SLC16A1: variants seen among roughly 807,000 people sequenced by gnomAD.
The protein encoded by SLC16A1 is solute carrier family 16 member 1, also known as monocarboxylate transporter 1.
Under a neutral mutation model 32.2 loss-of-function variants are expected in SLC16A1, and 11 were observed. The ratio of observed to expected loss-of-function variants is 0.34; its 90% CI spans 0.21 to 0.56. The LOEUF is 0.56. Ranked by LOEUF, SLC16A1 falls within the 20% of genes least tolerant of loss-of-function variation. The pLI is 0.87. For synonymous variants in SLC16A1, 231 were observed against 226.8 expected, an observed-to-expected ratio of 1.02 and a Z score of -0.17; for missense variants, 435 against 615.0, an observed-to-expected ratio of 0.71 and a Z score of 3.10.
At chr1:112,937,413 C>T (rs2101641465) in intron 1 of SLC16A1, among the ~76,000 whole-genome samples, 1 of 152,050 alleles carries the variant, frequency 6.6e-6, no homozygotes, top group South Asian at 2.1e-4. Flanking sequence ...GAAATAAGAG[C>T]ATGCAAAATC....
Position 112,923,819 on chromosome 1 carries a change from C to T in SLC16A1, c.218-1686G>A, listed in dbSNP as rs1268689562. On this transcript the variant is annotated intron_variant, in intron 2 of 4. Coordinates refer to ENST00000369626, the MANE Select transcript of SLC16A1 (RefSeq NM_003051.4). ...AAGTGGCCAAGATCTGTAACCTCTGCAAGAGCAATGGCTGGACCCTGCCCA... is the reference window on the plus strand; with the variant it reads ...AAGTGGCCAAGATCTGTAACCTCTGTAAGAGCAATGGCTGGACCCTGCCCA... The T allele has an allele frequency of 1.0e-5, 15 of 1,497,366 alleles. No individual in the cohort carries two copies. In the East Asian group the frequency reaches 3.2e-4, roughly 32 times the overall value. 92.8% of individuals were successfully genotyped at this position (1,497,366 alleles called of 1,614,324 possible). A position where few individuals can be genotyped will look rare whatever the true frequency, so the allele number is the denominator to read the frequency against.
At chr1:112,940,213 T>C (rs1451841370) in intron 1 of SLC16A1, among the ~76,000 whole-genome samples, 1 of 151,864 alleles carries the variant, frequency 6.6e-6, no homozygotes, top group Non-Finnish European at 1.5e-5. Flanking sequence ...AATTTTTGTA[T>C]GTTTTGTAGA....
At chr1:112,919,154 C>T (rs749449630) in intron 3 of SLC16A1, among the ~76,000 whole-genome samples, 9 of 151,988 alleles carry the variant, frequency 5.9e-5, no homozygotes, top group Non-Finnish European at 1.2e-4. Flanking sequence ...GCTCAGCCTC[C>T]CGAGTAGCTG....
At chr1:112,932,793 CAAAAA>C (rs34232032) in intron 1 of SLC16A1, among the ~76,000 whole-genome samples, 1 of 57,112 alleles carries the variant, frequency 1.8e-5, no homozygotes, top group Non-Finnish European at 3.2e-5. Flanking sequence ...GACTCCGTCG[CAAAAA>C]AAAAAAAAAA....
At position 112,929,170 on chromosome 1, in the gene SLC16A1, T is replaced by C; in HGVS notation, c.139A>G (p.Ile47Val). ...PKSITVFFKE[I>V]EGIFHATTSE... ...GTGGTGGCATGGAATATACCTTCAATCTCTTTGAAGAAGACAGTAATTGAT... is the reference window on the plus strand; with the variant it reads ...GTGGTGGCATGGAATATACCTTCAACCTCTTTGAAGAAGACAGTAATTGAT... Residue 47 changes from isoleucine (I) to valine (V), a missense_variant, in exon 2 of 5, where the codon ATT (isoleucine) becomes GTT (valine). Ile to Val is a conservative substitution (Grantham distance 29). Transcript: ENST00000369626. 1 of 1,613,994 alleles carries C rather than the reference T, an allele frequency of 6.2e-7. No individual in the cohort carries two copies. The highest frequency in any genetic ancestry group is 8.5e-7 in the Non-Finnish European group (1 of 1,179,936).
At chr1:112,926,004 A>T (rs1196762074) in intron 2 of SLC16A1, among the ~76,000 whole-genome samples, 1 of 152,206 alleles carries the variant, frequency 6.6e-6, no homozygotes, top group Non-Finnish European at 1.5e-5. Context: ...TGTTTCTCAG[A>T]GGTTATTATT....
intron 2 of SLC16A1, among the ~76,000 whole-genome samples, chr1:112,925,907 G>A (rs1648923189): frequency 6.6e-6 from 1 of 151,972 alleles, no homozygotes; most frequent in African/African-American, 2.4e-5. Context: ...ACTATTCAGA[G>A]TTGCGGTACA....
intron 1 of SLC16A1, among the ~76,000 whole-genome samples, chr1:112,943,505 C>T (rs183655563): frequency 5.3e-5 from 8 of 152,086 alleles, no homozygotes; most frequent in Non-Finnish European, 1.0e-4. Context: ...AATTGCAAAC[C>T]GGCTGGGCGC....
Position 112,928,614 on chromosome 1 carries a change from C to T in SLC16A1, c.217+478G>A, listed in dbSNP as rs544013802. ...GAAATGCTTTTAGGACTCATAACAT[C>T]GCAAGTAATACGGAGGAGGTTTTTT... On this transcript the variant is annotated intron_variant, in intron 2 of 4. Coordinates refer to ENST00000369626, the MANE Select transcript of SLC16A1 (RefSeq NM_003051.4). Among the ~76,000 whole-genome samples, 4 of 152,194 alleles carry T rather than the reference C, an allele frequency of 2.6e-5. No individual in the cohort carries two copies. The East Asian group carries it at 5.8e-4, about 22-fold the overall frequency.
At chr1:112,936,493 A>AG (rs1429367582) in intron 1 of SLC16A1, among the ~76,000 whole-genome samples, 2 of 151,508 alleles carry the variant, frequency 1.3e-5, no homozygotes, top group African/African-American at 4.8e-5. Context: ...AAAAAAAAAA[A>AG]AAAAAAAAAA....
rs1171797200 is a variant in SLC16A1, at chr1:112,917,073, T to C, written c.1228+105A>G. ...ATCAAGGGTACATAAATGAGAAAGATTTATTCTTACCCAAATAGCTCACTA... is the reference window on the plus strand; with the variant it reads ...ATCAAGGGTACATAAATGAGAAAGACTTATTCTTACCCAAATAGCTCACTA... On this transcript the variant is annotated intron_variant, in intron 4 of 4. Coordinates refer to ENST00000369626, the MANE Select transcript of SLC16A1 (RefSeq NM_003051.4). The surrounding 1 kb of genome is among the most constrained non-coding windows in gnomAD (Gnocchi z 4.1). 4.9e-6 allele frequency: 7 copies of C among 1,417,620 alleles called. No individual in the cohort carries two copies. The highest frequency in any genetic ancestry group is 5.9e-6 in the Non-Finnish European group (6 of 1,018,192). 87.8% of individuals were successfully genotyped at this position (1,417,620 alleles called of 1,614,324 possible). A position where few individuals can be genotyped will look rare whatever the true frequency, so the allele number is the denominator to read the frequency against.
chr1:112,927,463 G>C (rs1381789917), intron 2 of SLC16A1, among the ~76,000 whole-genome samples: 4 of 152,094 alleles, frequency 2.6e-5, no homozygotes, highest in African/African-American at 9.7e-5. Context: ...TGGTCCAAAT[G>C]AACAAGTTAA....
intron 1 of SLC16A1, among the ~76,000 whole-genome samples, chr1:112,929,833 C>T (rs1054606496): frequency 2.0e-5 from 3 of 152,120 alleles, no homozygotes; most frequent in Non-Finnish European, 2.9e-5. Flanking sequence ...GGTGAAAGAG[C>T]AAGATCCTGT....
intron 4 of SLC16A1, among the ~76,000 whole-genome samples, chr1:112,916,470 C>T (rs77383334): frequency 0.022 from 3,007 of 139,848 alleles, 161 homozygotes; most frequent in East Asian, 0.14. Context: ...TGCACTCCAG[C>T]CTGGGCAACA....
intron 4 of SLC16A1, among the ~76,000 whole-genome samples, chr1:112,915,898 G>A (rs560951764): frequency 6.6e-6 from 1 of 152,288 alleles, no homozygotes; most frequent in East Asian, 1.9e-4. Context: ...TTTTCACTAT[G>A]TGTTATGTAT....
chr1:112,922,186 T>G (rs764377568), intron 2 of SLC16A1, 53 bp from the exon 3 acceptor site: 7 of 1,539,532 alleles, frequency 4.5e-6, no homozygotes, highest in Non-Finnish European at 5.4e-6. Flanking sequence ...CCCTCACATC[T>G]ACACAAGTAT....
In SLC16A1 at chr1:112,942,943, T is replaced by C. The variant is rs150298214; in HGVS notation, c.-45+13092A>G. 3.1e-4 allele frequency among the ~76,000 whole-genome samples: 47 copies of C among 152,004 alleles called. No individual in the cohort carries two copies. In the East Asian group the frequency reaches 7.3e-3, roughly 24 times the overall value. On this transcript the variant is annotated intron_variant, in intron 1 of 4. Transcript: ENST00000369626. ...TAAAGGTAATGAACATAGATATACA[T>C]ATATGCACGCACTTGTGTGTATATA...
rs10627911 is a variant in SLC16A1 at position 112,929,007 on chromosome 1, C to CT, written c.217+84dup. On this transcript the variant is annotated intron_variant, in intron 2 of 4. Transcript: ENST00000369626. ...TTTCAAAACATCTCACTGAATAAGA[C>CT]TTTTTTTTTTTTTTAAAGTTACCTA... 176,918 of 780,046 alleles carry CT rather than the reference C, an allele frequency of 0.23. 5,665 individuals are homozygous for CT. The highest frequency in any genetic ancestry group is 0.35 in the African/African-American group (19,454 of 55,562). 48.3% of individuals were successfully genotyped at this position (780,046 alleles called of 1,614,324 possible).
In SLC16A1 at chr1:112,917,469, G is replaced by T. The variant is rs606231299; in HGVS notation, c.937C>A (p.Arg313=). 6.2e-7 allele frequency: 1 copy of T among 1,614,068 alleles called. No homozygotes were observed. Among genetic ancestry groups the T allele is most frequent in the African/African-American group, 1.3e-5 (1 of 74,980 alleles). The change falls in exon 4 of 5, where the codon CGA becomes AGA. Residue 313 remains arginine, a synonymous_variant. Coordinates refer to ENST00000369626, the MANE Select transcript of SLC16A1 (RefSeq NM_003051.4). This position sits in a 1 kb window ranked among gnomAD's most constrained non-coding sequence, Gnocchi z 4.1. ...TTGGCTACAAGTCCCATAGATGGTC[G>T]GGCTACCATGTCAACAAAAGCCAGA... ...SILAFVDMVA[R]PSMGLVANTK...
Sources: allele counts gnomAD v4.1 joint callset (sites outside exome capture counted in the v4.1 genomes callset), GRCh38; gene constraint gnomAD v4.1.1; non-coding constraint Gnocchi (gnomAD v3.1); transcripts MANE v1.5; gene names NCBI Gene and HGNC (gene_info 2026-07-23, HGNC 2026-07-21).